Variants in MYH14 observed in about 807,000 individuals in gnomAD.
The protein encoded by MYH14 is myosin-14.
MYH14 carries 123 observed loss-of-function variants against 255.5 expected under a neutral mutation model. That is an observed-to-expected ratio of 0.48 (90% CI 0.42 to 0.56). The LOEUF (loss-of-function observed/expected upper bound fraction) is 0.56. Ranked by LOEUF, MYH14 falls within the 20% of genes least tolerant of loss-of-function variation. MYH14 has a pLI of 0.00. For missense variants in MYH14, 2,423 were observed against 2,802.3 expected, an observed-to-expected ratio of 0.86 and a Z score of 3.06; for synonymous variants, 1,095 against 1,161.2, an observed-to-expected ratio of 0.94 and a Z score of 1.16.
chr19:50,245,554 G>T (rs1422748891), intron 11 of MYH14, among the ~76,000 whole-genome samples: 1 of 152,108 alleles, frequency 6.6e-6, no homozygotes, highest in Non-Finnish European at 1.5e-5. Context: ...TCTGGGCTTT[G>T]TTCTGTGTCT....
chr19:50,223,460 C>A, intron 5 of MYH14, 111 bp downstream of exon 5: 3 of 792,928 alleles, frequency 3.8e-6, no homozygotes, highest in Non-Finnish European at 4.3e-6. Context: ...TTCTCCTAGA[C>A]GCCTATGCCA....
intron 24 of MYH14, 57 bp downstream of exon 24, chr19:50,268,424 C>T: frequency 4.0e-6 from 6 of 1,504,460 alleles, no homozygotes; most frequent in Non-Finnish European, 5.4e-6. Context: ...TCTACACCAT[C>T]CACCTTTGCT....
At position 50,277,034 on chromosome 19, in the gene MYH14, G is replaced by T. The variant is rs965156071; in HGVS notation, c.3825+133G>T. 14 of 657,242 alleles carry T rather than the reference G, an allele frequency of 2.1e-5. No homozygotes were observed. The African/African-American group carries it at 2.5e-4, about 12-fold the overall frequency. The allele number at this position is 657,242 out of a possible 1,614,324, so 40.7% of individuals were successfully genotyped here. A position where few individuals can be genotyped will look rare whatever the true frequency, so the allele number is the denominator to read the frequency against. On this transcript the variant is annotated intron_variant, in intron 29 of 42. Coordinates refer to ENST00000642316, the MANE Select transcript of MYH14 (RefSeq NM_001145809.2). ...GGCCCCTTTCCTCACGCATTCATGT[G>T]CATCTTTCATTCAGCAAGCATTAAT...
rs780952644 is a variant in MYH14 at position 50,307,171 on chromosome 19, A to G, written c.5787+14A>G. 4 of 1,482,876 alleles carry G rather than the reference A, an allele frequency of 2.7e-6. No individual in the cohort carries two copies. Among genetic ancestry groups the G allele is most frequent in the Non-Finnish European group, 3.7e-6 (4 of 1,086,746 alleles). 91.9% of individuals were successfully genotyped at this position (1,482,876 alleles called of 1,614,324 possible). ...CTCCGGGACCAGGTAAGCAGCTGGC[A>G]TCATTAGGGAGCAGTGGAGAGTGTG... On this transcript the variant is annotated intron_variant, in intron 41 of 42. Coordinates refer to ENST00000642316, the MANE Select transcript of MYH14 (RefSeq NM_001145809.2).
At chr19:50,282,180 G>A (rs605839) in intron 33 of MYH14, among the ~76,000 whole-genome samples, 29,032 of 152,134 alleles carry the variant, frequency 0.19, 2,906 homozygotes, top group Middle Eastern at 0.26. Flanking sequence ...GCTGATTCAC[G>A]GGGTACCTCA....
rs373702929 is a variant in MYH14, at chr19:50,233,640, G to A, written c.1114+1570G>A. Among the ~76,000 whole-genome samples, 74 of 152,190 alleles carry A rather than the reference G, an allele frequency of 4.9e-4. 1 individual carries two copies. In the South Asian group the frequency reaches 0.014, roughly 29 times the overall value. On this transcript the variant is annotated intron_variant, in intron 10 of 42. Transcript: ENST00000642316. ...CGCCCGGGATCGTGGTGTTAGTGAG[G>A]GTGGTTCATCCCGGGAGAATCGGCT...
At position 50,215,718 on chromosome 19, in the gene MYH14, C is replaced by G. The variant is rs553264908; in HGVS notation, c.406-1897C>G. Among the ~76,000 whole-genome samples the G allele has an allele frequency of 2.6e-5, 4 of 152,224 alleles. No homozygotes were observed. In the East Asian group the frequency reaches 7.7e-4, roughly 29 times the overall value. Reference sequence around the variant, plus strand: ...CCTGTGGTCCCATCTGCTTGGGAGGCTGAGGTGGGAGGATTGTTTGAGCCC... The same window carrying G: ...CCTGTGGTCCCATCTGCTTGGGAGGGTGAGGTGGGAGGATTGTTTGAGCCC... On this transcript the variant is annotated intron_variant, in intron 2 of 42. Coordinates refer to ENST00000642316, the MANE Select transcript of MYH14 (RefSeq NM_001145809.2).
intron 10 of MYH14, among the ~76,000 whole-genome samples, chr19:50,242,545 G>T (rs148468049): frequency 1.4e-3 from 214 of 152,282 alleles, no homozygotes; most frequent in African/African-American, 4.6e-3. Flanking sequence ...CCAAGATTCA[G>T]TTACCTCCCA....
At position 50,276,932 on chromosome 19, in the gene MYH14, G is replaced by A. The variant is rs1196340214; in HGVS notation, c.3825+31G>A. 2 of 1,503,100 alleles carry A rather than the reference G, an allele frequency of 1.3e-6. No homozygotes were observed. Among genetic ancestry groups the A allele is most frequent in the Admixed American group, 1.9e-5 (1 of 52,622 alleles). The allele number at this position is 1,503,100 out of a possible 1,614,324, so 93.1% of individuals were successfully genotyped here. ...TTGGGGCAGGGGGACAGGGCAGGGG[G>A]GCCACGGGGAGGGCAGGGCAGGACG... On this transcript the variant is annotated intron_variant, in intron 29 of 42. Transcript: ENST00000642316. This position sits in a 1 kb window ranked among gnomAD's most constrained non-coding sequence, Gnocchi z 4.3.
rs888923562 is a variant in MYH14 at position 50,280,426 on chromosome 19, C to A, written c.4290+43C>A. The stretch of plus-strand genomic sequence containing the variant: ...AGACCTTCAGGGAGGCACAGCCCCC[C>A]TCACTGCTCCTCCTGGGTTCCCCAG... On this transcript the variant is annotated intron_variant, in intron 32 of 42. Coordinates refer to ENST00000642316, the MANE Select transcript of MYH14 (RefSeq NM_001145809.2). The surrounding 1 kb of genome is among the most constrained non-coding windows in gnomAD (Gnocchi z 4.8). 2.0e-6 allele frequency: 3 copies of A among 1,478,098 alleles called. No homozygotes were observed. Among genetic ancestry groups the A allele is most frequent in the South Asian group, 1.4e-5 (1 of 73,304 alleles). 91.6% of individuals were successfully genotyped at this position (1,478,098 alleles called of 1,614,324 possible).
chr19:50,221,022 C>T lies in MYH14; in HGVS notation c.563-2061C>T, dbSNP rs1245174768. On this transcript the variant is annotated intron_variant, in intron 3 of 42. Transcript: ENST00000642316. The surrounding 1 kb of genome is among the most constrained non-coding windows in gnomAD (Gnocchi z 5.3). The stretch of plus-strand genomic sequence containing the variant: ...TATGAAATAGGTTATCTCCTTGTCC[C>T]TGATTTCTGGGTGGGGAAACTGAGG... Among the ~76,000 whole-genome samples, 2 of 152,116 alleles carry T rather than the reference C, an allele frequency of 1.3e-5. No homozygotes were observed. Among genetic ancestry groups the T allele is most frequent in the African/African-American group, 2.4e-5 (1 of 41,418 alleles).
rs761967521 is a variant in MYH14, at chr19:50,261,617, G to A, written c.2567G>A (p.Arg856Gln). ...ATCGTCTCCTTCCAGGCAGCTGCCC[G>A]GGGATACCTGGCTCGCAGGTGGGCA... Reference protein sequence around the residue: ...DIIVSFQAAARGYLARRAFQK... With the variant: ...DIIVSFQAAAQGYLARRAFQK... Residue 856 changes from arginine (R) to glutamine (Q), a missense_variant, in exon 21 of 43, where the codon CGG becomes CAG. By Grantham distance (43) the Arg-to-Gln change is conservative (BLOSUM62 1). Around this residue, in one of 3 missense-constraint regions of MYH14, gnomAD observed 1,513 missense variants for 1,674.8 expected, o/e 0.90. Coordinates refer to ENST00000642316, the MANE Select transcript of MYH14 (RefSeq NM_001145809.2). 3.8e-6 allele frequency: 6 copies of A among 1,598,292 alleles called. No individual in the cohort carries two copies. Among genetic ancestry groups the A allele is most frequent in the South Asian group, 1.1e-5 (1 of 89,244 alleles).
chr19:50,275,627 G>C (rs2035475474), intron 27 of MYH14, among the ~76,000 whole-genome samples: 1 of 152,132 alleles, frequency 6.6e-6, no homozygotes, highest in Admixed American at 6.5e-5. Context: ...AGGAGTTCGA[G>C]ACCAGCCCTA....
rs1278680710 is a variant in MYH14 at position 50,261,463 on chromosome 19, C to T, written c.2425-12C>T. 7.0e-7 allele frequency: 1 copy of T among 1,425,516 alleles called. No homozygotes were observed. The highest frequency in any genetic ancestry group is 9.1e-7 in the Non-Finnish European group (1 of 1,098,678). The allele number at this position is 1,425,516 out of a possible 1,614,324, so 88.3% of individuals were successfully genotyped here. Reference sequence around the variant, plus strand: ...CCCCTCTCCGTCATCACCCCTCTCCCACCCCTCACAGATCCAGGCGCTGGA... The same window carrying T: ...CCCCTCTCCGTCATCACCCCTCTCCTACCCCTCACAGATCCAGGCGCTGGA... On this transcript the variant is annotated splice_polypyrimidine_tract_variant and intron_variant, in intron 20 of 42. Transcript: ENST00000642316.
chr19:50,237,697 C>A (rs73932442), intron 10 of MYH14, among the ~76,000 whole-genome samples: 2,316 of 152,326 alleles, frequency 0.015, 60 homozygotes, highest in African/African-American at 0.052. Flanking sequence ...TTTCCAGTTC[C>A]TCCAGCATAT....
chr19:50,259,291 C>T (rs772846633), intron 19 of MYH14, 26 bp downstream of exon 19: 4 of 1,553,980 alleles, frequency 2.6e-6, no homozygotes, highest in Non-Finnish European at 3.5e-6. Flanking sequence ...GGCCCAGGCC[C>T]GGCGGAGGGG....
intron 39 of MYH14, among the ~76,000 whole-genome samples, chr19:50,299,363 A>T (rs1409677018): frequency 2.0e-5 from 3 of 152,000 alleles, no homozygotes; most frequent in Admixed American, 2.0e-4. Context: ...TGAGGTCAGG[A>T]GTTTGAGACC....
chr19:50,272,061 G>A (rs2035323684), intron 26 of MYH14, 89 bp downstream of exon 26: 2 of 1,523,040 alleles, frequency 1.3e-6, no homozygotes, highest in Non-Finnish European at 1.8e-6. Flanking sequence ...CTCAGTGGCT[G>A]TGTCTGCTAA....
intron 10 of MYH14, among the ~76,000 whole-genome samples, chr19:50,242,343 A>C (rs2123276905): frequency 6.6e-6 from 1 of 152,358 alleles, no homozygotes; most frequent in Admixed American, 6.5e-5. Context: ...ATAAAGTAAA[A>C]GAGGTTTAAC....
Sources: allele counts gnomAD v4.1 joint callset (sites outside exome capture counted in the v4.1 genomes callset), GRCh38; gene constraint gnomAD v4.1.1; regional missense constraint gnomAD v4.1.1; non-coding constraint Gnocchi (gnomAD v3.1); transcripts MANE v1.5; gene names NCBI Gene and HGNC (gene_info 2026-07-23, HGNC 2026-07-21).